The following CEP250 variants were observed in gnomAD, a reference collection of about 807,000 sequenced individuals.
CEP250 encodes centrosomal protein 250, also known as centrosome-associated protein CEP250.
A neutral mutation model predicts 315.7 loss-of-function variants in CEP250; 242 were observed. The ratio of observed to expected loss-of-function variants is 0.77; its 90% CI spans 0.69 to 0.85. CEP250 has a LOEUF of 0.85. Ranked by LOEUF, CEP250 falls within the 40% of genes least tolerant of loss-of-function variation. The pLI is 0.00. For synonymous variants in CEP250, 1,088 were observed against 1,175.0 expected, an observed-to-expected ratio of 0.93 and a Z score of 1.51; for missense variants, 2,515 against 2,886.4, an observed-to-expected ratio of 0.87 and a Z score of 2.95.
In CEP250 at chr20:35,462,483, G is replaced by A; in HGVS notation, c.116G>A (p.Trp39Ter). Reference protein sequence around the residue: ...QQMAENQAASWRKLKNSQEAQ... With the variant: ...QQMAENQAAS ...ATGGCAGAGAATCAGGCAGCCTCCT[G>A]GCGGAAGCTGAAGAACTCCCAGGAG... Residue 39 changes from tryptophan (W) to a stop codon, truncating the protein, a stop_gained, in exon 4 of 35, where the codon TGG becomes TAG. Coordinates refer to ENST00000397527, the MANE Select transcript of CEP250 (RefSeq NM_007186.6). LOFTEE classifies it high-confidence loss of function. 6.2e-7 allele frequency: 1 copy of A among 1,609,326 alleles called. No individual in the cohort carries two copies. Among genetic ancestry groups the A allele is most frequent in the Non-Finnish European group, 8.5e-7 (1 of 1,177,826 alleles).
intron 19 of CEP250, 40 bp downstream of exon 19, chr20:35,479,813 G>A: frequency 6.2e-7 from 1 of 1,613,328 alleles, no homozygotes; most frequent in Non-Finnish European, 8.5e-7. Flanking sequence ...CCATTCCATG[G>A]AGATGTTGAA....
In CEP250 at chr20:35,467,523, A is replaced by G; in HGVS notation, c.819A>G (p.Gln273=). The part of the protein sequence containing the change: ...RSQELIQLKS[Q]GDLEKAELQD... ...AGGAGTTAATACAGCTGAAGAGTCA[A>G]GGGGATCTGGAGAAGGCTGAACTTC... Residue 273 remains glutamine (Q), a synonymous_variant, in exon 9 of 35, where the codon CAA becomes CAG. Transcript: ENST00000397527. The G allele has an allele frequency of 6.2e-7, 1 of 1,614,052 alleles. No homozygotes were observed.
At position 35,516,505 on chromosome 20, in the gene CEP250, C is replaced by G. The variant is rs1340670357; in HGVS notation, c.*4879C>G. The G allele has an allele frequency of 6.6e-6, 1 of 152,256 alleles. No homozygotes were observed. The highest frequency in any genetic ancestry group is 6.5e-5 in the Admixed American group (1 of 15,290). 9.4% of individuals were successfully genotyped at this position (152,256 alleles called of 1,614,324 possible). On this transcript the variant is annotated 3_prime_UTR_variant, in exon 35 of 35. Coordinates refer to ENST00000397527, the MANE Select transcript of CEP250 (RefSeq NM_007186.6). ...TTCATGCTGGAGCCTTTGGCTATAA[C>G]TCTCTTCCCTGTATAAGGGCCATCT...
intron 25 of CEP250, among the ~76,000 whole-genome samples, chr20:35,497,201 G>A (rs2063863048): frequency 6.6e-6 from 1 of 152,166 alleles, no homozygotes; most frequent in South Asian, 2.1e-4. Context: ...GCTTGCAGGG[G>A]TTAAGGGCAC....
In CEP250 at chr20:35,516,851, G is replaced by A. The variant is rs2064440408; in HGVS notation, c.*5225G>A. On this transcript the variant is annotated 3_prime_UTR_variant, in exon 35 of 35. Transcript: ENST00000397527. ...TGCACGGGTTGTGTGGAGTCCAGGG[G>A]TACATCCAGAAGCAATGGCAGGTGT... 1 of 331,456 alleles carries A rather than the reference G, an allele frequency of 3.0e-6. No homozygotes were observed. Among genetic ancestry groups the A allele is most frequent in the Non-Finnish European group, 4.3e-6 (1 of 232,030 alleles). The allele number at this position is 331,456 out of a possible 1,614,324, so 20.5% of individuals were successfully genotyped here.
chr20:35,479,310 C>CCAGGG lies in CEP250; in HGVS notation c.2178_2182dup (p.Val728GlyfsTer9), dbSNP rs748589866. ...GCAAAGCGACAGGAAGAAGTGCTTG[C>CCAGGG]CAGGGCAGTCCAGGAGAAGGAGGCC... is the stretch of plus-strand genomic sequence containing the variant. On this transcript the variant is annotated frameshift_variant, in exon 18 of 35. Transcript: ENST00000397527. LOFTEE classifies it high-confidence loss of function. 1 of 1,614,208 alleles carries CCAGGG rather than the reference C, an allele frequency of 6.2e-7. No homozygotes were observed. Among genetic ancestry groups the CCAGGG allele is most frequent in the Non-Finnish European group, 8.5e-7 (1 of 1,180,042 alleles).
In CEP250 at chr20:35,504,618, G is replaced by T. The variant is rs1405326371; in HGVS notation, c.6249G>T (p.Glu2083Asp). 9 of 1,614,194 alleles carry T rather than the reference G, an allele frequency of 5.6e-6. No homozygotes were observed. The East Asian group carries it at 2.0e-4, about 36-fold the overall frequency. The stretch of plus-strand genomic sequence containing the variant: ...AAGAGAAGCAGAATCTGGGGCAAGA[G>T]AGAGAAGAGGAGGAGATAAGGGGCC... ...MIQEKQNLGQ[E>D]REEEEIRGLH... The change falls in exon 30 of 35, where the codon GAG becomes GAT. Residue 2083 changes from glutamate (E) to aspartate (D), a missense_variant. Glu to Asp is a conservative substitution (Grantham distance 45). Transcript: ENST00000397527.
rs1177132416 is a variant in CEP250 at position 35,504,434 on chromosome 20, A to G, written c.6065A>G (p.Gln2022Arg). ...CAGCTGGAGGAGGCTCTGAGGATAC[A>G]AGAAGGTGAGATCCAGGACCAGGAT... ...SRQLEEALRI[Q>R]EGEIQDQDLR... The change falls in exon 30 of 35, where the codon CAA (glutamine) becomes CGA (arginine). Residue 2022 changes from glutamine to arginine, a missense_variant. Transcript: ENST00000397527. 6.2e-7 allele frequency: 1 copy of G among 1,610,824 alleles called. No individual in the cohort carries two copies. Among genetic ancestry groups the G allele is most frequent in the African/African-American group, 1.3e-5 (1 of 74,982 alleles).
chr20:35,518,449 C>T lies in CEP250; in HGVS notation c.*6823C>T, dbSNP rs2064453364. 1 of 152,162 alleles carries T rather than the reference C, an allele frequency of 6.6e-6. No homozygotes were observed. Among genetic ancestry groups the T allele is most frequent in the Admixed American group, 6.6e-5 (1 of 15,266 alleles). The allele number at this position is 152,162 out of a possible 1,614,324, so 9.4% of individuals were successfully genotyped here. A position where few individuals can be genotyped will look rare whatever the true frequency, so the allele number is the denominator to read the frequency against. Reference sequence around the variant, plus strand: ...GTAACTGGAAACTCATTTACTGAGGCTATTTGGTTACCCTGAACTACTGTT... The same window carrying T: ...GTAACTGGAAACTCATTTACTGAGGTTATTTGGTTACCCTGAACTACTGTT... On this transcript the variant is annotated 3_prime_UTR_variant, in exon 35 of 35. Coordinates refer to ENST00000397527, the MANE Select transcript of CEP250 (RefSeq NM_007186.6).
At position 35,517,228 on chromosome 20, in the gene CEP250, T is replaced by C. The variant is rs2064444264; in HGVS notation, c.*5602T>C. ...GAGGTGGCATTCAATGTGTCCTGTG[T>C]CCTCCCTGGGGTTGATTAAGGGGTC... On this transcript the variant is annotated 3_prime_UTR_variant, in exon 35 of 35. Transcript: ENST00000397527. 6.4e-6 allele frequency: 1 copy of C among 155,844 alleles called. No homozygotes were observed. Among genetic ancestry groups the C allele is most frequent in the African/African-American group, 2.4e-5 (1 of 41,512 alleles). The allele number at this position is 155,844 out of a possible 1,614,324, so 9.7% of individuals were successfully genotyped here. A position where few individuals can be genotyped will look rare whatever the true frequency, so the allele number is the denominator to read the frequency against.
In CEP250 at chr20:35,493,531, A is replaced by G. The variant is rs552946753; in HGVS notation, c.2992A>G (p.Ser998Gly). The change falls in exon 23 of 35, where the codon AGC becomes GGC. Residue 998 changes from serine to glycine, a missense_variant. Coordinates refer to ENST00000397527, the MANE Select transcript of CEP250 (RefSeq NM_007186.6). ...RDDLAALQEESSSLLQDKMDL... is the reference protein window; with the variant it reads ...RDDLAALQEEGSSLLQDKMDL... The stretch of plus-strand genomic sequence containing the variant: ...TGACCTTGCTGCCCTCCAAGAAGAG[A>G]GCAGCTCCCTGCTGCAGGATAAGAT... 2.2e-5 allele frequency: 35 copies of G among 1,601,538 alleles called. 2 individuals carry two copies. The South Asian group carries it at 3.9e-4, about 18-fold the overall frequency.
intron 9 of CEP250, 25 bp from the exon 10 acceptor site, chr20:35,469,865 G>A (rs763749454): frequency 1.3e-6 from 2 of 1,535,246 alleles, no homozygotes; most frequent in Admixed American, 3.4e-5. Flanking sequence ...CTGTTCTGGT[G>A]ACAGTGCTAT....
intron 29 of CEP250, 55 bp downstream of exon 29, chr20:35,502,021 C>T (rs1160275433): frequency 4.5e-6 from 7 of 1,569,826 alleles, no homozygotes; most frequent in Non-Finnish European, 4.3e-6. Flanking sequence ...TCCCTTGGGC[C>T]CACCTTGGCC....
At chr20:35,493,340 C>T in intron 22 of CEP250, 89 bp from the exon 23 acceptor site, 1 of 1,240,606 alleles carries the variant, frequency 8.1e-7, no homozygotes, top group Non-Finnish European at 1.1e-6. Flanking sequence ...ATTGCTGGCT[C>T]CTGCCTCAGC....
At chr20:35,476,339 G>C (rs2063172972) in intron 15 of CEP250, 110 bp from the exon 16 acceptor site, 1 of 950,778 alleles carries the variant, frequency 1.1e-6, no homozygotes, top group Non-Finnish European at 1.6e-6. Flanking sequence ...AGAGGGAATG[G>C]AGTATTAACT....
At chr20:35,482,395 T>TAATTTTTTGTATTTTTAGTAAATACAAA (rs1005495081) in intron 20 of CEP250, among the ~76,000 whole-genome samples, 7 of 151,876 alleles carry the variant, frequency 4.6e-5, no homozygotes, top group African/African-American at 1.5e-4. Flanking sequence ...CATGCCCGGC[T>TAATTTTTTGTATTTTTAGTAAATACAAA]AATTTTTTGT....
intron 1 of CEP250, among the ~76,000 whole-genome samples, chr20:35,456,057 G>A (rs1308256026): frequency 1.3e-5 from 2 of 152,166 alleles, no homozygotes; most frequent in Non-Finnish European, 2.9e-5. Flanking sequence ...CACCACACCC[G>A]GCTAATTTTA....
At position 35,511,409 on chromosome 20, in the gene CEP250, A is replaced by G. The variant is rs1484703463; in HGVS notation, c.7112A>G (p.Gln2371Arg). Reference sequence around the variant, plus strand: ...CTGACTTTGGAGCGGAAGCAGAAGCAGGACTACATCACCCGCTCAGCACAG... The same window carrying G: ...CTGACTTTGGAGCGGAAGCAGAAGCGGGACTACATCACCCGCTCAGCACAG... ...AQLTLERKQKQDYITRSAQTS... is the reference protein window; with the variant it reads ...AQLTLERKQKRDYITRSAQTS... The change falls in exon 35 of 35, where the codon CAG becomes CGG. Residue 2371 changes from glutamine to arginine, a missense_variant. Gln to Arg is a conservative substitution (Grantham distance 43, BLOSUM62 1). Coordinates refer to ENST00000397527, the MANE Select transcript of CEP250 (RefSeq NM_007186.6). 2 of 1,613,108 alleles carry G rather than the reference A, an allele frequency of 1.2e-6. No individual in the cohort carries two copies. The highest frequency in any genetic ancestry group is 2.2e-5 in the South Asian group (2 of 91,010).
At chr20:35,490,300 A>C (rs926368914) in intron 20 of CEP250, among the ~76,000 whole-genome samples, 2 of 152,186 alleles carry the variant, frequency 1.3e-5, no homozygotes, top group Non-Finnish European at 2.9e-5. Context: ...GTGACAGGGC[A>C]AGACTCCGTC....
Sources: allele counts gnomAD v4.1 joint callset (sites outside exome capture counted in the v4.1 genomes callset), GRCh38; gene constraint gnomAD v4.1.1; transcripts MANE v1.5; gene names NCBI Gene and HGNC (gene_info 2026-07-23, HGNC 2026-07-21).